Variants in IL1RAP observed in about 807,000 individuals in gnomAD.
IL1RAP encodes the protein interleukin-1 receptor accessory protein.
In IL1RAP, 35 loss-of-function variants were observed where a neutral mutation model predicts 60.7. The observed-to-expected ratio is 0.58, with a 90% CI of 0.44 to 0.76. IL1RAP has a LOEUF of 0.76. Among genes scored for constraint, IL1RAP ranks in the 30% least tolerant of loss-of-function variants. The pLI, the probability that IL1RAP is intolerant of heterozygous loss-of-function variation, is 0.00. For missense variants in IL1RAP, 572 were observed against 693.9 expected (o/e 0.82, Z 1.97); for synonymous variants, 268 against 250.9 (o/e 1.07, Z -0.64).
At chr3:190,618,441 C>A (rs1012234868) in intron 5 of IL1RAP, among the ~76,000 whole-genome samples, 2 of 152,144 alleles carry the variant, frequency 1.3e-5, no homozygotes, top group African/African-American at 2.4e-5. Context: ...TGATGAAAGA[C>A]CGTTATTCGG....
intron 3 of IL1RAP, among the ~76,000 whole-genome samples, chr3:190,581,484 T>A (rs954980140): frequency 2.0e-5 from 3 of 152,228 alleles, no homozygotes; most frequent in African/African-American, 4.8e-5. Flanking sequence ...CGAAGCTGGG[T>A]GCTTGCCGAC....
At chr3:190,624,075 G>T (rs938060235) in intron 7 of IL1RAP, among the ~76,000 whole-genome samples, 1 of 152,170 alleles carries the variant, frequency 6.6e-6, no homozygotes, top group African/African-American at 2.4e-5. Flanking sequence ...AGTGAGAGGT[G>T]TTAACCTAAA....
At chr3:190,626,003 G>C (rs932263737) in intron 7 of IL1RAP, among the ~76,000 whole-genome samples, 1 of 152,184 alleles carries the variant, frequency 6.6e-6, no homozygotes, top group African/African-American at 2.4e-5. Flanking sequence ...ACGCAGTCAG[G>C]TAAGCCTAAG....
chr3:190,547,290 G>A (rs185880563), intron 1 of IL1RAP, among the ~76,000 whole-genome samples: 6 of 152,186 alleles, frequency 3.9e-5, no homozygotes, highest in Admixed American at 1.3e-4. Context: ...ATAGTCCTCC[G>A]CCCCTTCCCC....
At position 190,623,319 on chromosome 3, in the gene IL1RAP, C is replaced by A. The variant is rs1731943367; in HGVS notation, c.704-25C>A. On this transcript the variant is annotated intron_variant, in intron 6 of 11. Coordinates refer to ENST00000447382, the MANE Select transcript of IL1RAP (RefSeq NM_002182.4). ...AAGGCTGCCTGATTTAACATCATCT[C>A]CCTTTTTTATTTCCTCTAACACAGG... 3 of 1,568,132 alleles carry A rather than the reference C, an allele frequency of 1.9e-6. No individual in the cohort carries two copies. The Admixed American group carries it at 5.0e-5, about 26-fold the overall frequency.
At chr3:190,614,730 G>C (rs968982720) in intron 5 of IL1RAP, among the ~76,000 whole-genome samples, 2 of 152,130 alleles carry the variant, frequency 1.3e-5, no homozygotes, top group African/African-American at 4.8e-5. Flanking sequence ...AAACAATGCA[G>C]CTACTGATGG....
intron 3 of IL1RAP, among the ~76,000 whole-genome samples, chr3:190,600,229 A>G (rs1392717155): frequency 6.6e-6 from 1 of 152,184 alleles, no homozygotes; most frequent in African/African-American, 2.4e-5. Flanking sequence ...TAAGATTGTC[A>G]TATATTTCTT....
chr3:190,648,662 G>C lies in IL1RAP; in HGVS notation c.1670G>C (p.Ser557Thr), dbSNP rs936102170. ...PVKKSPRRSS[S>T]DEQGLSYSSL... ...AAGAAAAGTCCCAGGCGGTCTAGCA[G>C]TGATGAGCAGGGCCTCTCGTATTCA... Residue 557 changes from serine (S) to threonine (T), a missense_variant, in exon 12 of 12, where the codon AGT becomes ACT. By Grantham distance (58) the Ser-to-Thr change is moderately conservative. Coordinates refer to ENST00000447382, the MANE Select transcript of IL1RAP (RefSeq NM_002182.4). 6.2e-7 allele frequency: 1 copy of C among 1,614,086 alleles called. No individual in the cohort carries two copies. The highest frequency in any genetic ancestry group is 8.5e-7 in the Non-Finnish European group (1 of 1,180,006).
chr3:190,592,625 A>C (rs1055229722), intron 3 of IL1RAP, among the ~76,000 whole-genome samples: 1 of 151,696 alleles, frequency 6.6e-6, no homozygotes, highest in Admixed American at 6.5e-5. Flanking sequence ...TGTATTTACA[A>C]ACTAAGAGTG....
At position 190,623,381 on chromosome 3, in the gene IL1RAP, A is replaced by G; in HGVS notation, c.741A>G (p.Ser247=). ...ATGCAGTGCCCCCTGTGATCCATTC[A>G]CCTAATGATCATGTGGTCTATGAGA... ...PKNAVPPVIH[S]PNDHVVYEKE... is the part of the protein sequence containing the mutation. Residue 247 remains serine (S), a synonymous_variant, in exon 7 of 12, where the codon TCA becomes TCG. Coordinates refer to ENST00000447382, the MANE Select transcript of IL1RAP (RefSeq NM_002182.4). The G allele has an allele frequency of 6.2e-7, 1 of 1,613,536 alleles. No homozygotes were observed. Among genetic ancestry groups the G allele is most frequent in the Non-Finnish European group, 8.5e-7 (1 of 1,179,616 alleles).
intron 5 of IL1RAP, among the ~76,000 whole-genome samples, chr3:190,609,874 G>A (rs1323530359): frequency 6.6e-6 from 1 of 152,184 alleles, no homozygotes. Context: ...GCAGATGGAA[G>A]TAACGTGGTG....
chr3:190,549,711 GC>G (rs573713462), intron 1 of IL1RAP, among the ~76,000 whole-genome samples: 63 of 149,246 alleles, frequency 4.2e-4, no homozygotes, highest in African/African-American at 1.4e-3. Flanking sequence ...CTTCTCCCGA[GC>G]CCAATACTAA....
chr3:190,609,585 C>T (rs1188781054), intron 5 of IL1RAP, among the ~76,000 whole-genome samples: 1 of 152,152 alleles, frequency 6.6e-6, no homozygotes, highest in Admixed American at 6.5e-5. Flanking sequence ...TCTTTGCCCT[C>T]ATTTGTGAGC....
rs544916763 is a variant in IL1RAP, at chr3:190,549,581, G to A, written c.-88-6549G>A. Among the ~76,000 whole-genome samples the A allele has an allele frequency of 2.0e-5, 3 of 152,264 alleles. No individual in the cohort carries two copies. The South Asian group carries it at 6.2e-4, about 32-fold the overall frequency. ...AACATGTATTTAAATGAAACAAGTC[G>A]GGGGTGAGGACAGCTCAAAAATCCT... On this transcript the variant is annotated intron_variant, in intron 1 of 11. Coordinates refer to ENST00000447382, the MANE Select transcript of IL1RAP (RefSeq NM_002182.4).
Position 190,645,759 on chromosome 3 carries a change from T to C in IL1RAP, c.1262T>C (p.Val421Ala), listed in dbSNP as rs1733971539. The change falls in exon 11 of 12, where the codon GTA (valine) becomes GCA (alanine). Residue 421 changes from valine to alanine, a missense_variant. Transcript: ENST00000447382. ...AGGAATGCGGAAGAAGAAGAATTTG[T>C]ATTACTGACCCTCCGTGGAGTTTTG... ...YARNAEEEEF[V>A]LLTLRGVLEN... 6.2e-7 allele frequency: 1 copy of C among 1,613,148 alleles called. No individual in the cohort carries two copies. The highest frequency in any genetic ancestry group is 1.3e-5 in the African/African-American group (1 of 74,910).
intron 11 of IL1RAP, 81 bp downstream of exon 11, chr3:190,645,923 A>G: frequency 1.7e-6 from 2 of 1,171,672 alleles, no homozygotes; most frequent in South Asian, 3.0e-5. Context: ...GGAGAGAGTC[A>G]TGGCACAGCA....
At chr3:190,577,493 C>T (rs957117632) in intron 3 of IL1RAP, among the ~76,000 whole-genome samples, 3 of 152,162 alleles carry the variant, frequency 2.0e-5, no homozygotes, top group Non-Finnish European at 2.9e-5. Context: ...TTTACCAGCA[C>T]GCCACTCTGG....
chr3:190,652,546 G>T (rs999948874), downstream of IL1RAP, among the ~76,000 whole-genome samples: 2 of 152,042 alleles, frequency 1.3e-5, no homozygotes, highest in African/African-American at 4.8e-5. Flanking sequence ...TTCTACTGAA[G>T]AATTAATTTT....
intron 3 of IL1RAP, among the ~76,000 whole-genome samples, chr3:190,587,653 T>C (rs964578643): frequency 6.6e-6 from 1 of 152,250 alleles, no homozygotes; most frequent in African/African-American, 2.4e-5. Context: ...GCGAGTTTGC[T>C]GTAGCACAGA....
Sources: allele counts gnomAD v4.1 joint callset (sites outside exome capture counted in the v4.1 genomes callset), GRCh38; gene constraint gnomAD v4.1.1; transcripts MANE v1.5; gene names NCBI Gene and HGNC (gene_info 2026-07-23, HGNC 2026-07-21).